Variants in MYOCD observed in about 807,000 individuals in gnomAD.
MYOCD encodes the protein myocardin.
MYOCD carries 32 observed loss-of-function variants against 96.1 expected under a neutral mutation model. The observed-to-expected ratio is 0.33, with a 90% confidence interval of 0.25 to 0.45. The LOEUF is 0.45. Ranked by LOEUF, MYOCD falls within the 20% of genes least tolerant of loss-of-function variation. MYOCD has a pLI of 1.00. For synonymous variants in MYOCD, 469 were observed against 469.0 expected (o/e 1.00, Z 0.00); for missense variants, 1,133 against 1,200.6 (o/e 0.94, Z 0.83).
intron 1 of MYOCD, among the ~76,000 whole-genome samples, chr17:12,674,744 ACTAT>A (rs1362826176): frequency 7.9e-5 from 12 of 152,310 alleles, no homozygotes; most frequent in African/African-American, 2.6e-4. Context: ...GAGAAAATTG[ACTAT>A]CTCTTTGGAA....
chr17:12,682,895 T>C (rs1157176886), intron 1 of MYOCD, among the ~76,000 whole-genome samples: 1 of 152,208 alleles, frequency 6.6e-6, no homozygotes, highest in Non-Finnish European at 1.5e-5. Context: ...AATTATCATA[T>C]GGAACCTCTT....
intron 4 of MYOCD, among the ~76,000 whole-genome samples, chr17:12,721,485 T>C (rs991933917): frequency 3.3e-5 from 5 of 152,006 alleles, no homozygotes; most frequent in Non-Finnish European, 7.4e-5. Context: ...AAAAGTACGA[T>C]GTTGGTAATG....
At chr17:12,737,999 G>A (rs1279565281) in intron 6 of MYOCD, among the ~76,000 whole-genome samples, 1 of 152,164 alleles carries the variant, frequency 6.6e-6, no homozygotes, top group African/African-American at 2.4e-5. Context: ...AAATTTCTTT[G>A]ATAACATCAA....
Position 12,685,822 on chromosome 17 carries a change from A to G in MYOCD, c.56-19306A>G, listed in dbSNP as rs565929138. Reference sequence around the variant, plus strand: ...ATATATGCCTTAAATTGCTTTGTATAATTCCTGGTGTCTAGAGGGACCTCA... The same window carrying G: ...ATATATGCCTTAAATTGCTTTGTATGATTCCTGGTGTCTAGAGGGACCTCA... On this transcript the variant is annotated intron_variant, in intron 1 of 13. Transcript: ENST00000425538. Among the ~76,000 whole-genome samples, 5 of 152,294 alleles carry G rather than the reference A, an allele frequency of 3.3e-5. No homozygotes were observed. In the East Asian group the frequency reaches 5.8e-4, roughly 18 times the overall value.
At chr17:12,729,609 C>T (rs571093348) in intron 5 of MYOCD, among the ~76,000 whole-genome samples, 2 of 151,610 alleles carry the variant, frequency 1.3e-5, no homozygotes, top group Non-Finnish European at 2.9e-5. Context: ...GGAGTTTTTG[C>T]TCTTGTCGCC....
chr17:12,694,055 A>T (rs1425729746), intron 1 of MYOCD, among the ~76,000 whole-genome samples: 1 of 152,200 alleles, frequency 6.6e-6, no homozygotes. Context: ...AATGAAGAGA[A>T]AACTCCAGGA....
At chr17:12,745,078 G>T (rs1047576819) in intron 8 of MYOCD, among the ~76,000 whole-genome samples, 2 of 152,164 alleles carry the variant, frequency 1.3e-5, no homozygotes. Context: ...GAGCAATTCC[G>T]ATGCCCTTCT....
chr17:12,693,918 AC>A (rs1213383764), intron 1 of MYOCD, among the ~76,000 whole-genome samples: 1 of 152,120 alleles, frequency 6.6e-6, no homozygotes, highest in Non-Finnish European at 1.5e-5. Context: ...AAAGACTGAC[AC>A]CCAAATGTCA....
chr17:12,690,002 G>C (rs1183326473), intron 1 of MYOCD, among the ~76,000 whole-genome samples: 1 of 152,066 alleles, frequency 6.6e-6, no homozygotes, highest in Non-Finnish European at 1.5e-5. Flanking sequence ...ATACATCAAA[G>C]ATAGAAATCA....
At chr17:12,736,382 G>T in intron 6 of MYOCD, 46 bp downstream of exon 6, 1 of 1,585,432 alleles carries the variant, frequency 6.3e-7, no homozygotes, top group Non-Finnish European at 8.6e-7. Flanking sequence ...CAGCATCTCA[G>T]TGTATTATCG....
intron 4 of MYOCD, among the ~76,000 whole-genome samples, chr17:12,718,906 G>A (rs1218754514): frequency 1.3e-5 from 2 of 152,104 alleles, no homozygotes; most frequent in Non-Finnish European, 2.9e-5. Context: ...GGGTGTGGTG[G>A]CTCACGCCTG....
chr17:12,734,612 G>A (rs1233874708), intron 5 of MYOCD, among the ~76,000 whole-genome samples: 1 of 138,824 alleles, frequency 7.2e-6, no homozygotes, highest in African/African-American at 2.7e-5. Flanking sequence ...CCGGGTTCAA[G>A]CAATTCTCCT....
intron 5 of MYOCD, among the ~76,000 whole-genome samples, chr17:12,731,819 A>C (rs1257964895): frequency 6.6e-6 from 1 of 152,222 alleles, no homozygotes; most frequent in African/African-American, 2.4e-5. Context: ...AAAGGAAGCC[A>C]CTGCTATGTA....
chr17:12,678,723 TCTCA>T (rs1393583015), intron 1 of MYOCD, among the ~76,000 whole-genome samples: 2 of 152,058 alleles, frequency 1.3e-5, no homozygotes, highest in Non-Finnish European at 2.9e-5. Flanking sequence ...TGAGATGGAG[TCTCA>T]CTCTGTCACC....
chr17:12,684,253 A>G (rs1015656812), intron 1 of MYOCD, among the ~76,000 whole-genome samples: 1 of 151,928 alleles, frequency 6.6e-6, no homozygotes, highest in Admixed American at 6.6e-5. Context: ...CTCCAAACCA[A>G]CCCTGTCTCT....
intron 5 of MYOCD, among the ~76,000 whole-genome samples, chr17:12,735,706 C>A (rs552465304): frequency 1.3e-5 from 2 of 152,134 alleles, no homozygotes; most frequent in African/African-American, 2.4e-5. Context: ...GCGTGCTGTG[C>A]GCCCTGCTTT....
chr17:12,740,830 C>T (rs1263486067), intron 7 of MYOCD, among the ~76,000 whole-genome samples: 5 of 152,128 alleles, frequency 3.3e-5, no homozygotes, highest in African/African-American at 1.2e-4. Flanking sequence ...CCTCCGCCTC[C>T]CAGGTTCAAG....
intron 7 of MYOCD, among the ~76,000 whole-genome samples, chr17:12,741,718 A>AT (rs1567594480): frequency 1.5e-5 from 2 of 136,312 alleles, no homozygotes; most frequent in South Asian, 2.3e-4. Flanking sequence ...TATATATATA[A>AT]AAAAAAAAAA....
intron 6 of MYOCD, among the ~76,000 whole-genome samples, 166 bp downstream of exon 6, chr17:12,736,502 G>C (rs2032350479): frequency 6.6e-6 from 1 of 152,186 alleles, no homozygotes. Context: ...TTCAGCGCAG[G>C]CCTCTGTGTG....
Sources: gnomAD v4.1 joint callset for allele counts (sites outside exome capture counted in the v4.1 genomes callset) on GRCh38, gnomAD v4.1.1 for gene constraint, MANE v1.5 for transcripts, NCBI Gene and HGNC (gene_info 2026-07-23, HGNC 2026-07-21) for gene names.